Variants in ALDH1L1 observed in about 807,000 individuals in gnomAD.
ALDH1L1 encodes the protein cytosolic 10-formyltetrahydrofolate dehydrogenase.
ALDH1L1 carries 68 observed loss-of-function variants against 101.1 expected under a neutral mutation model. The ratio of observed to expected loss-of-function variants is 0.67; its 90% CI spans 0.55 to 0.82. The LOEUF (loss-of-function observed/expected upper bound fraction) is 0.82, where lower values mean the gene tolerates loss of function less well. Among genes scored for constraint, ALDH1L1 ranks in the 40% least tolerant of loss-of-function variants. The pLI is 0.00. For synonymous variants in ALDH1L1, 486 were observed against 470.8 expected (o/e 1.03, Z -0.42); for missense variants, 1,087 against 1,172.7 (o/e 0.93, Z 1.07).
At chr3:126,137,254 C>T (rs1268882355) in intron 10 of ALDH1L1, among the ~76,000 whole-genome samples, 1 of 152,190 alleles carries the variant, frequency 6.6e-6, no homozygotes, top group Admixed American at 6.5e-5. Flanking sequence ...ACCCAGGCAC[C>T]TCTGGGATAT....
intron 1 of ALDH1L1, among the ~76,000 whole-genome samples, chr3:126,170,491 A>G (rs2081252894): frequency 6.6e-6 from 1 of 151,974 alleles, no homozygotes; most frequent in South Asian, 2.1e-4. Flanking sequence ...TGCTGCTGAA[A>G]AGCCTAGGAC....
chr3:126,111,177 G>C (rs369687176), intron 19 of ALDH1L1, among the ~76,000 whole-genome samples: 54 of 152,368 alleles, frequency 3.5e-4, no homozygotes, highest in African/African-American at 9.6e-4. Flanking sequence ...TGGAAGATGA[G>C]CTTGTGCCTC....
At chr3:126,111,925 T>G (rs1372296968) in intron 19 of ALDH1L1, among the ~76,000 whole-genome samples, 13 of 152,136 alleles carry the variant, frequency 8.5e-5, no homozygotes. Flanking sequence ...GAGGCCTGGC[T>G]CGTGTCAACC....
chr3:126,146,962 G>C, intron 8 of ALDH1L1, 36 bp from the exon 9 acceptor site: 1 of 1,594,018 alleles, frequency 6.3e-7, no homozygotes, highest in Non-Finnish European at 8.6e-7. Flanking sequence ...CTGGCCCCAG[G>C]GGAGCTGGGG....
In ALDH1L1 at chr3:126,155,470, C is replaced by T. The variant is rs768265022; in HGVS notation, c.562G>A (p.Ala188Thr). 1 of 1,613,128 alleles carries T rather than the reference C, an allele frequency of 6.2e-7. No individual in the cohort carries two copies. The highest frequency in any genetic ancestry group is 1.1e-5 in the South Asian group (1 of 90,740). The change falls in exon 5 of 23, where the codon GCC becomes ACC. Residue 188 changes from alanine (A) to threonine (T), a missense_variant. By Grantham distance (58) the Ala-to-Thr change is moderately conservative (BLOSUM62 0). Around this residue, in one of 2 missense-constraint regions of ALDH1L1, gnomAD observed 645 missense variants for 637.0 expected, o/e 1.01. Coordinates refer to ENST00000393434, the MANE Select transcript of ALDH1L1 (RefSeq NM_012190.4). ...QAVRLIAEGK[A>T]PRLPQPEEGA... ...TCCTCAGGCTGAGGGAGTCTGGGGGCTTTGCCCTCAGCGATCAGCCTCACG... is the reference window on the plus strand; with the variant it reads ...TCCTCAGGCTGAGGGAGTCTGGGGGTTTTGCCCTCAGCGATCAGCCTCACG...
At chr3:126,143,109 T>C (rs954119005) in intron 9 of ALDH1L1, among the ~76,000 whole-genome samples, 1 of 152,242 alleles carries the variant, frequency 6.6e-6, no homozygotes, top group Non-Finnish European at 1.5e-5. Flanking sequence ...GCCTATTTTA[T>C]ACTAAAGTTT....
chr3:126,104,083 T>TC, intron 22 of ALDH1L1: 1 of 582,054 alleles, frequency 1.7e-6, no homozygotes, highest in Admixed American at 3.0e-5. Context: ...TTAAGAATCT[T>TC]CCCCAGCTCC....
upstream of ALDH1L1, among the ~76,000 whole-genome samples, chr3:126,183,690 A>G (rs894809369): frequency 2.0e-5 from 3 of 152,154 alleles, no homozygotes; most frequent in Non-Finnish European, 2.9e-5. Context: ...TCCAATGCCT[A>G]TCCCACCAGT....
At chr3:126,111,339 CGTGA>C (rs1946071211) in intron 19 of ALDH1L1, among the ~76,000 whole-genome samples, 2 of 152,284 alleles carry the variant, frequency 1.3e-5, no homozygotes, top group South Asian at 2.1e-4. Flanking sequence ...CCACTGTCCA[CGTGA>C]ACATGTCCCA....
At chr3:126,187,944 GA>G (rs147254699) in intron 1 of ALDH1L1, among the ~76,000 whole-genome samples, 3 of 151,216 alleles carry the variant, frequency 2.0e-5, no homozygotes, top group Admixed American at 1.3e-4. Context: ...TATTTGAGAA[GA>G]AAAAAAAAGA....
At chr3:126,113,019 A>G (rs1361571820) in intron 18 of ALDH1L1, 139 bp from the exon 19 acceptor site, 1 of 697,620 alleles carries the variant, frequency 1.4e-6, no homozygotes, top group Admixed American at 2.4e-5. Context: ...GGCCCCACTC[A>G]ATCCTCAGTC....
intron 14 of ALDH1L1, among the ~76,000 whole-genome samples, chr3:126,127,183 G>T (rs914173621): frequency 1.1e-4 from 17 of 152,192 alleles, no homozygotes; most frequent in Non-Finnish European, 2.1e-4. Flanking sequence ...CTGGTTAGGG[G>T]AAAGGCCGAG....
At chr3:126,131,648 A>T in intron 12 of ALDH1L1, 114 bp from the exon 13 acceptor site, 1 of 1,244,736 alleles carries the variant, frequency 8.0e-7, no homozygotes, top group Admixed American at 2.6e-5. Context: ...CAGTTCTGCC[A>T]CTCTCAGATG....
chr3:126,188,993 G>A (rs763252251), intron 1 of ALDH1L1, among the ~76,000 whole-genome samples: 13 of 152,012 alleles, frequency 8.6e-5, no homozygotes, highest in Non-Finnish European at 1.3e-4. Flanking sequence ...TTATTCATAT[G>A]CAACAAAAAG....
At chr3:126,153,366 C>CT (rs2080842953) in intron 7 of ALDH1L1, 78 bp downstream of exon 7, 1 of 1,598,692 alleles carries the variant, frequency 6.3e-7, no homozygotes, top group East Asian at 2.2e-5. Flanking sequence ...AGCCTAGGGT[C>CT]TTCCTGTGAG....
Position 126,135,649 on chromosome 3 carries a change from A to C in ALDH1L1, c.1358T>G (p.Val453Gly). ...NPTDGSVICQ[V>G]SLAQVTDVDK... ...GACGTCGGTGACTTGGGCCAGGGAT[A>C]CCTGGCAGATGACCTATAGTGGAAG... Residue 453 changes from valine (V) to glycine (G), a missense_variant, in exon 12 of 23, where the codon GTA (valine) becomes GGA (glycine). Physicochemically the swap from Val to Gly is moderately radical, Grantham distance 109. Transcript: ENST00000393434. 6.4e-7 allele frequency: 1 copy of C among 1,566,346 alleles called. No homozygotes were observed.
chr3:126,138,653 C>T (rs554056183), intron 9 of ALDH1L1, among the ~76,000 whole-genome samples: 1 of 152,300 alleles, frequency 6.6e-6, no homozygotes, highest in South Asian at 2.1e-4. Context: ...AGATGTAGTA[C>T]CCTGAGCAAC....
rs1221664326 is a variant in ALDH1L1 at position 126,115,000 on chromosome 3, T to C, written c.1983-344A>G. The C allele has an allele frequency of 6.5e-6, 3 of 464,996 alleles. No homozygotes were observed. In the Admixed American group the frequency reaches 7.0e-5, roughly 11 times the overall value. 28.8% of individuals were successfully genotyped at this position (464,996 alleles called of 1,614,324 possible). A position where few individuals can be genotyped will look rare whatever the true frequency, so the allele number is the denominator to read the frequency against. ...GCCTGCCTGTGCACCCCATCTGCTG[T>C]CCTTTCCTCTACTGCATGTTGACCT... On this transcript the variant is annotated intron_variant, in intron 17 of 22. Coordinates refer to ENST00000393434, the MANE Select transcript of ALDH1L1 (RefSeq NM_012190.4).
chr3:126,162,126 T>G (rs2081071138), intron 1 of ALDH1L1, among the ~76,000 whole-genome samples: 1 of 152,214 alleles, frequency 6.6e-6, no homozygotes, highest in African/African-American at 2.4e-5. Context: ...TTAATGGAAT[T>G]TGGGTAGTTA....
Sources: allele counts gnomAD v4.1 joint callset (sites outside exome capture counted in the v4.1 genomes callset), GRCh38; gene constraint gnomAD v4.1.1; regional missense constraint gnomAD v4.1.1; transcripts MANE v1.5; gene names NCBI Gene and HGNC (gene_info 2026-07-23, HGNC 2026-07-21).